ABCC4: variants seen among roughly 807,000 people sequenced by gnomAD.
ABCC4 encodes the protein ATP binding cassette subfamily C member 4 (PEL blood group).
In ABCC4, 102 loss-of-function variants were observed where a neutral mutation model predicts 168.5. The observed-to-expected ratio is 0.61, with a 90% CI of 0.52 to 0.71. The LOEUF (loss-of-function observed/expected upper bound fraction) is 0.71, where lower values mean the gene tolerates loss of function less well. Among genes scored for constraint, ABCC4 ranks in the 30% least tolerant of loss-of-function variants. The pLI, the probability that ABCC4 is intolerant of heterozygous loss-of-function variation, is 0.00. For missense variants in ABCC4, 1,402 were observed against 1,605.8 expected (o/e 0.87, Z 2.17); for synonymous variants, 617 against 590.7 (o/e 1.04, Z -0.65).
At chr13:95,118,539 C>T (rs1021367068) in intron 19 of ABCC4, among the ~76,000 whole-genome samples, 5 of 152,156 alleles carry the variant, frequency 3.3e-5, no homozygotes, top group Admixed American at 1.3e-4. Context: ...CCATAGCACC[C>T]GGCCAGAATA....
At chr13:95,260,383 T>C (rs1439318638) in intron 1 of ABCC4, among the ~76,000 whole-genome samples, 3 of 152,034 alleles carry the variant, frequency 2.0e-5, no homozygotes, top group African/African-American at 7.2e-5. Context: ...AATGACTGAA[T>C]CAGAACAAGC....
intron 6 of ABCC4, among the ~76,000 whole-genome samples, chr13:95,209,024 C>T (rs1594301750): frequency 7.0e-6 from 1 of 142,014 alleles, no homozygotes; most frequent in South Asian, 2.3e-4. Context: ...AATGGAAATA[C>T]TGAATTAAAA....
chr13:95,218,552 T>C (rs2039187307), intron 4 of ABCC4, among the ~76,000 whole-genome samples: 1 of 152,142 alleles, frequency 6.6e-6, no homozygotes. Context: ...TGAAAACCTA[T>C]ACAGAAAGTT....
intron 20 of ABCC4, among the ~76,000 whole-genome samples, chr13:95,107,982 C>A (rs1331759586): frequency 6.6e-6 from 1 of 152,092 alleles, no homozygotes; most frequent in Non-Finnish European, 1.5e-5. Flanking sequence ...TCCTCTCTCT[C>A]CTGAGCTTCC....
intron 1 of ABCC4, among the ~76,000 whole-genome samples, chr13:95,299,389 A>C (rs2041616807): frequency 6.6e-6 from 1 of 151,972 alleles, no homozygotes; most frequent in African/African-American, 2.4e-5. Flanking sequence ...CCCTCTCCTT[A>C]AGAGAAAGGC....
rs377524402 is a variant in ABCC4, at chr13:95,164,442, T to C, written c.2111A>G (p.Tyr704Cys). The change falls in exon 16 of 31, where the codon TAC becomes TGC. Residue 704 changes from tyrosine to cysteine, a missense_variant. Physicochemically the swap from Tyr to Cys is radical, Grantham distance 194. Coordinates refer to ENST00000645237, the MANE Select transcript of ABCC4 (RefSeq NM_005845.5). ...GKVGFQAYKN[Y>C]FRAGAHWIVF... Reference sequence around the variant, plus strand: ...AATCCAGTGAGCACCAGCTCTGAAGTAATTCTTATAGGCCTGAAAACCAAC... The same window carrying C: ...AATCCAGTGAGCACCAGCTCTGAAGCAATTCTTATAGGCCTGAAAACCAAC... 31 of 1,614,054 alleles carry C rather than the reference T, an allele frequency of 1.9e-5. No homozygotes were observed. Among genetic ancestry groups the C allele is most frequent in the Non-Finnish European group, 2.6e-5 (31 of 1,180,022 alleles).
chr13:95,159,492 G>A (rs2037015945), intron 19 of ABCC4, among the ~76,000 whole-genome samples: 1 of 152,038 alleles, frequency 6.6e-6, no homozygotes, highest in African/African-American at 2.4e-5. Flanking sequence ...CCAAATCCCT[G>A]AATAATAAAT....
At chr13:95,255,315 C>T (rs144211642) in intron 1 of ABCC4, among the ~76,000 whole-genome samples, 2 of 152,328 alleles carry the variant, frequency 1.3e-5, no homozygotes, top group South Asian at 4.1e-4. Context: ...GGGCCTCTGT[C>T]CTTACAAAGT....
chr13:95,208,386 CA>C (rs2038847107), intron 6 of ABCC4, among the ~76,000 whole-genome samples: 1 of 150,328 alleles, frequency 6.7e-6, no homozygotes, highest in Admixed American at 6.6e-5. Context: ...AACGGGGCCT[CA>C]AAGGACAAGG....
intron 20 of ABCC4, among the ~76,000 whole-genome samples, chr13:95,108,611 A>G (rs547405097): frequency 6.6e-5 from 10 of 151,044 alleles, no homozygotes; most frequent in South Asian, 4.2e-4. Context: ...CCCCAGCCAC[A>G]TGGAACTGTG....
intron 20 of ABCC4, among the ~76,000 whole-genome samples, chr13:95,097,656 T>A (rs532709391): frequency 1.1e-4 from 15 of 139,982 alleles, no homozygotes; most frequent in Non-Finnish European, 2.0e-4. Context: ...AAGTAAATAC[T>A]GGGCCATTAA....
Position 95,194,908 on chromosome 13 carries a change from CTG to C in ABCC4, c.1189_1190del (p.Gln397AlafsTer10). 1 of 1,614,080 alleles carries C rather than the reference CTG, an allele frequency of 6.2e-7. No homozygotes were observed. Among genetic ancestry groups the C allele is most frequent in the Non-Finnish European group, 8.5e-7 (1 of 1,180,002 alleles). Reference sequence around the variant, plus strand: ...CATCTGACGGCAGCTGACGGTTGCGCTGTGATATCTCATCAAGTAGCAAAAAG... The same window carrying C: ...CATCTGACGGCAGCTGACGGTTGCGCTGATATCTCATCAAGTAGCAAAAAG... ...QTFLLLDEISQRNRQLPSDGK... is the reference protein window; with the variant it reads ...QTFLLLDEISXRNRQLPSDGK... On this transcript the variant is annotated frameshift_variant, in exon 9 of 31. Coordinates refer to ENST00000645237, the MANE Select transcript of ABCC4 (RefSeq NM_005845.5). LOFTEE classifies it high-confidence loss of function.
chr13:95,132,786 G>A (rs1168992356), intron 19 of ABCC4, among the ~76,000 whole-genome samples: 1 of 152,068 alleles, frequency 6.6e-6, no homozygotes, highest in East Asian at 1.9e-4. Flanking sequence ...GAACCATAAG[G>A]ACATTACACG....
At chr13:95,122,650 G>T (rs2035613080) in intron 19 of ABCC4, among the ~76,000 whole-genome samples, 1 of 152,074 alleles carries the variant, frequency 6.6e-6, no homozygotes, top group African/African-American at 2.4e-5. Flanking sequence ...CCATCCACCT[G>T]TCATGAAGGT....
intron 3 of ABCC4, among the ~76,000 whole-genome samples, chr13:95,240,227 C>T (rs1375223660): frequency 3.3e-5 from 5 of 152,198 alleles, no homozygotes; most frequent in Non-Finnish European, 5.9e-5. Context: ...GCAGGGCAAA[C>T]AACACGGTTT....
At chr13:95,103,040 G>A (rs1374777129) in intron 20 of ABCC4, among the ~76,000 whole-genome samples, 2 of 151,608 alleles carry the variant, frequency 1.3e-5, no homozygotes, top group Non-Finnish European at 2.9e-5. Context: ...GCTGAGGTGG[G>A]TGGATCACGA....
chr13:95,281,963 C>T (rs2041135431), intron 1 of ABCC4, among the ~76,000 whole-genome samples: 2 of 152,040 alleles, frequency 1.3e-5, no homozygotes, highest in African/African-American at 4.8e-5. Context: ...AAAAATTACC[C>T]GGATGTGGTA....
At chr13:95,207,018 C>T (rs2038802284) in intron 7 of ABCC4, among the ~76,000 whole-genome samples, 1 of 114,530 alleles carries the variant, frequency 8.7e-6, no homozygotes. Flanking sequence ...AATATTTAAT[C>T]CAAAAGCCAA....
chr13:95,051,461 A>G (rs185365582), intron 27 of ABCC4, among the ~76,000 whole-genome samples: 61 of 151,912 alleles, frequency 4.0e-4, no homozygotes, highest in African/African-American at 1.4e-3. Context: ...CTCGACCTCC[A>G]GGGCTCACAA....
Sources: allele counts gnomAD v4.1 joint callset (sites outside exome capture counted in the v4.1 genomes callset), GRCh38; gene constraint gnomAD v4.1.1; transcripts MANE v1.5; gene names NCBI Gene and HGNC (gene_info 2026-07-23, HGNC 2026-07-21).